The following NCF2 variants were observed in gnomAD, a reference collection of about 807,000 sequenced individuals.
NCF2 encodes the protein neutrophil cytosolic factor 2.
In NCF2, 45 loss-of-function variants were observed where a neutral mutation model predicts 70.9. The ratio of observed to expected loss-of-function variants is 0.63; its 90% CI spans 0.50 to 0.81. NCF2 has a LOEUF of 0.81. NCF2 is among the 40% of genes least tolerant of loss of function. The probability of loss-of-function intolerance (pLI) is 0.00; values close to 1 mark genes in which losing one functional copy is unlikely to be tolerated. For synonymous variants in NCF2, 203 were observed against 233.6 expected, an observed-to-expected ratio of 0.87 and a Z score of 1.19; for missense variants, 522 against 631.6, an observed-to-expected ratio of 0.83 and a Z score of 1.86.
At chr1:183,581,915 C>T (rs1673132201) in intron 2 of NCF2, among the ~76,000 whole-genome samples, 1 of 152,210 alleles carries the variant, frequency 6.6e-6, no homozygotes, top group Non-Finnish European at 1.5e-5. Context: ...GATCCGCCCG[C>T]CTCGGCCTCC....
At chr1:183,557,114 T>C (rs1320551683) in intron 14 of NCF2, among the ~76,000 whole-genome samples, 1 of 152,210 alleles carries the variant, frequency 6.6e-6, no homozygotes, top group Non-Finnish European at 1.5e-5. Flanking sequence ...CTTGTAGGTA[T>C]CCATATTTTA....
Position 183,570,841 on chromosome 1 carries a change from T to TA in NCF2, c.610-3dup. 1 of 1,614,134 alleles carries TA rather than the reference T, an allele frequency of 6.2e-7. No homozygotes were observed. ...TTGATCCACCACAGATGCCACGACC[T>TA]AAAATCAAGGACAGGAGGGTGTGAG... is the stretch of plus-strand genomic sequence containing the variant. On this transcript the variant is annotated splice_polypyrimidine_tract_variant and splice_region_variant and intron_variant, in intron 5 of 14. Transcript: ENST00000367535.
In NCF2 at chr1:183,560,193, C is replaced by G; in HGVS notation, c.1371G>C (p.Lys457Asn). The G allele has an allele frequency of 6.2e-7, 1 of 1,614,184 alleles. No homozygotes were observed. The highest frequency in any genetic ancestry group is 8.5e-7 in the Non-Finnish European group (1 of 1,180,038). Residue 457 changes from lysine (K) to asparagine (N), a missense_variant, in exon 14 of 15, where the codon AAG (lysine) becomes AAC (asparagine). Coordinates refer to ENST00000367535, the MANE Select transcript of NCF2 (RefSeq NM_000433.4). ...ANNQTTEPQL[K>N]KGSQVEALFS... ...AGAGTGCCTCCACTTGGCTGCCTTTCTTAAGCTGAGGTTCTGTTGTCTGGT... is the reference window on the plus strand; with the variant it reads ...AGAGTGCCTCCACTTGGCTGCCTTTGTTAAGCTGAGGTTCTGTTGTCTGGT...
At position 183,577,678 on chromosome 1, in the gene NCF2, T is replaced by G; in HGVS notation, c.287A>C (p.Glu96Ala). The change falls in exon 3 of 15, where the codon GAA becomes GCA. Residue 96 changes from glutamate to alanine, a missense_variant. Glu to Ala is a moderately radical substitution (Grantham distance 107, BLOSUM62 -1). Coordinates refer to ENST00000367535, the MANE Select transcript of NCF2 (RefSeq NM_000433.4). ...KYDLAIKDLKEALIQLRGNQL... is the reference protein window; with the variant it reads ...KYDLAIKDLKAALIQLRGNQL... ...GTTCCCTCGAAGCTGAATCAAGGCT[T>G]CTTTAAGGTCTTTGATAGCCAAATC... The G allele has an allele frequency of 6.2e-7, 1 of 1,613,838 alleles. No homozygotes were observed. Among genetic ancestry groups the G allele is most frequent in the Non-Finnish European group, 8.5e-7 (1 of 1,179,724 alleles).
At chr1:183,575,766 G>A (rs1672776727) in intron 3 of NCF2, among the ~76,000 whole-genome samples, 1 of 152,172 alleles carries the variant, frequency 6.6e-6, no homozygotes, top group Non-Finnish European at 1.5e-5. Flanking sequence ...TTCATGTAGC[G>A]AAGAACTGAG....
intron 13 of NCF2, among the ~76,000 whole-genome samples, chr1:183,560,535 G>C (rs1384739689): frequency 1.3e-5 from 2 of 152,166 alleles, no homozygotes; most frequent in Non-Finnish European, 2.9e-5. Context: ...GGGTTGGGGG[G>C]TGGTTTCAGG....
chr1:183,563,926 C>T, intron 11 of NCF2, 79 bp downstream of exon 11: 4 of 1,468,274 alleles, frequency 2.7e-6, no homozygotes, highest in Non-Finnish European at 3.8e-6. Context: ...TCCTATAATC[C>T]AGACAGACAT....
upstream of NCF2, among the ~76,000 whole-genome samples, chr1:183,595,721 C>T (rs79598945): frequency 0.12 from 18,316 of 152,216 alleles, 2,553 homozygotes; most frequent in African/African-American, 0.34. Context: ...TAGACCTTCT[C>T]TTAAAGGAGT....
chr1:183,565,090 C>T (rs867345734), intron 10 of NCF2, among the ~76,000 whole-genome samples: 1 of 152,112 alleles, frequency 6.6e-6, no homozygotes, highest in Non-Finnish European at 1.5e-5. Context: ...AGGGACATCC[C>T]GAGTGATTCT....
At chr1:183,561,597 G>A (rs992802695) in intron 13 of NCF2, among the ~76,000 whole-genome samples, 10 of 151,836 alleles carry the variant, frequency 6.6e-5, no homozygotes, top group African/African-American at 2.4e-4. Context: ...TAGAGTAGAT[G>A]CTTAATAAAT....
intron 4 of NCF2, 130 bp downstream of exon 4, chr1:183,574,357 C>G: frequency 7.4e-7 from 1 of 1,348,254 alleles, no homozygotes; most frequent in East Asian, 2.3e-5. Context: ...GAACTATACC[C>G]TAAGATCAGT....
chr1:183,580,017 C>T (rs938268856), intron 2 of NCF2, among the ~76,000 whole-genome samples: 1 of 152,156 alleles, frequency 6.6e-6, no homozygotes, highest in Non-Finnish European at 1.5e-5. Context: ...GAAGCTGGAA[C>T]TCTGATCTCA....
Position 183,568,948 on chromosome 1 carries a change from T to C in NCF2, c.713+194A>G, listed in dbSNP as rs34446955. 7.3e-3 allele frequency among the ~76,000 whole-genome samples: 1,108 copies of C among 152,254 alleles called. 16 individuals are homozygous for C. Among genetic ancestry groups the C allele is most frequent in the African/African-American group, 0.025 (1,057 of 41,536 alleles). ...TCCCATCCCCATCATATCATTCCTT[T>C]CTAGCCTGACATTCTAGAAGACATT... On this transcript the variant is annotated intron_variant, in intron 7 of 14. Coordinates refer to ENST00000367535, the MANE Select transcript of NCF2 (RefSeq NM_000433.4).
chr1:183,581,828 C>T (rs1351287797), intron 2 of NCF2, among the ~76,000 whole-genome samples: 2 of 152,230 alleles, frequency 1.3e-5, no homozygotes, highest in East Asian at 1.9e-4. Flanking sequence ...CCACCGCGCC[C>T]GGCTAATTTT....
chr1:183,587,595 CAAAAAAAAAAAAAAAA>C (rs11287969), intron 1 of NCF2, among the ~76,000 whole-genome samples: 3 of 41,892 alleles, frequency 7.2e-5, no homozygotes, highest in East Asian at 9.5e-4. Flanking sequence ...CACCCTGTCT[CAAAAAAAAAAAAAAAA>C]AAAAAAAAAA....
chr1:183,593,143 C>CAGAT (rs766456392), upstream of NCF2, among the ~76,000 whole-genome samples: 4 of 152,150 alleles, frequency 2.6e-5, no homozygotes, highest in Non-Finnish European at 5.9e-5. Context: ...CTTAGCACCT[C>CAGAT]AAATAGTGTG....
intron 10 of NCF2, among the ~76,000 whole-genome samples, chr1:183,565,397 T>C (rs1418796052): frequency 2.0e-5 from 3 of 152,232 alleles, no homozygotes; most frequent in Non-Finnish European, 4.4e-5. Flanking sequence ...TCAACTTTTC[T>C]TCCTGAGACA....
Position 183,570,774 on chromosome 1 carries a change from C to A in NCF2, c.669+6G>T, listed in dbSNP as rs756905770. 1 of 1,613,932 alleles carries A rather than the reference C, an allele frequency of 6.2e-7. No homozygotes were observed. The highest frequency in any genetic ancestry group is 8.5e-7 in the Non-Finnish European group (1 of 1,179,906). ...AGGTCCATGGAGAAGGTCAGGACTG[C>A]CTTACCTGTGGTTGCAGAGGGGCAA... On this transcript the variant is annotated splice_donor_region_variant and intron_variant, in intron 6 of 14. Coordinates refer to ENST00000367535, the MANE Select transcript of NCF2 (RefSeq NM_000433.4).
At chr1:183,580,318 T>C (rs988531282) in intron 2 of NCF2, among the ~76,000 whole-genome samples, 6 of 152,204 alleles carry the variant, frequency 3.9e-5, no homozygotes, top group Non-Finnish European at 7.3e-5. Flanking sequence ...TCTGGGTTCC[T>C]GGAAAGAGGA....
Sources: gnomAD v4.1 joint callset for allele counts (sites outside exome capture counted in the v4.1 genomes callset) on GRCh38, gnomAD v4.1.1 for gene constraint, MANE v1.5 for transcripts, NCBI Gene and HGNC (gene_info 2026-07-23, HGNC 2026-07-21) for gene names.